GNB2: variants seen among roughly 807,000 people sequenced by gnomAD.
The protein encoded by GNB2 is guanine nucleotide-binding protein G(I)/G(S)/G(T) subunit beta-2.
GNB2 carries 7 observed loss-of-function variants against 40.7 expected under a neutral mutation model. That is an observed-to-expected ratio of 0.17 (90% CI 0.10 to 0.32). The LOEUF (loss-of-function observed/expected upper bound fraction) is 0.32. Among genes scored for constraint, GNB2 ranks in the 10% least tolerant of loss-of-function variants. The pLI, the probability that GNB2 is intolerant of heterozygous loss-of-function variation, is 1.00. For synonymous variants in GNB2, 254 were observed against 191.2 expected, an observed-to-expected ratio of 1.33 and a Z score of -2.71; for missense variants, 286 against 473.0, an observed-to-expected ratio of 0.60 and a Z score of 3.67.
intron 7 of GNB2, 113 bp from the exon 8 acceptor site, chr7:100,677,985 G>C (rs1159397836): frequency 2.4e-5 from 25 of 1,062,690 alleles, no homozygotes; most frequent in African/African-American, 3.1e-5. Context: ...GCTCTGAGAA[G>C]AGCCTCCCTG....
chr7:100,674,776 C>G (rs1189513940), intron 1 of GNB2, among the ~76,000 whole-genome samples: 1 of 152,226 alleles, frequency 6.6e-6, no homozygotes, highest in Admixed American at 6.5e-5. Context: ...AACGTCGCCC[C>G]CGCCCCCAGT....
chr7:100,677,698 TGGG>T (rs758633651), intron 6 of GNB2, 38 bp downstream of exon 6: 1 of 1,612,848 alleles, frequency 6.2e-7, no homozygotes, highest in East Asian at 2.2e-5. Context: ...TTTTTGGGGT[TGGG>T]GGGTGCACTG....
chr7:100,673,960 A>T (rs1804297450), intron 1 of GNB2, 37 bp downstream of exon 1: 1 of 158,552 alleles, frequency 6.3e-6, no homozygotes, highest in Non-Finnish European at 1.4e-5. Context: ...CTCGCCCCCC[A>T]GCCCCAATTT....
At position 100,675,946 on chromosome 7, in the gene GNB2, C is replaced by T. The variant is rs529364226; in HGVS notation, c.-89-231C>T. 6.3e-3 allele frequency: 2,260 copies of T among 360,170 alleles called. 13 individuals carry two copies. The highest frequency in any genetic ancestry group is 0.014 in the Admixed American group (288 of 21,016). The allele number at this position is 360,170 out of a possible 1,614,324, so 22.3% of individuals were successfully genotyped here. ...GTCCGAGGGAGGGGTTTCCCCTGCG[C>T]TTCCTCTTGCACTTCCCGCTCCGTT... On this transcript the variant is annotated intron_variant, in intron 1 of 9. Transcript: ENST00000303210.
In GNB2 at chr7:100,676,679, G is replaced by T. The variant is rs776485571; in HGVS notation, c.97-14G>T. ...GCCTGGGCCTCCCCGAGCGCATTCT[G>T]TCTCTACCTCCAGATCACAGCTGGG... On this transcript the variant is annotated splice_polypyrimidine_tract_variant and intron_variant, in intron 3 of 9. Transcript: ENST00000303210. The T allele has an allele frequency of 4.0e-5, 64 of 1,598,284 alleles. No homozygotes were observed. The East Asian group carries it at 1.3e-3, about 32-fold the overall frequency.
chr7:100,677,939 G>T, intron 7 of GNB2, 121 bp downstream of exon 7: 1 of 1,045,338 alleles, frequency 9.6e-7, no homozygotes, highest in Non-Finnish European at 1.4e-6. Flanking sequence ...GGGCGCTAAG[G>T]GGGTCAGGGA....
intron 1 of GNB2, 46 bp downstream of exon 1, chr7:100,673,969 T>G: frequency 6.3e-6 from 1 of 158,034 alleles, no homozygotes; most frequent in Non-Finnish European, 1.4e-5. Flanking sequence ...CAGCCCCAAT[T>G]TCCCCCAGGG....
Position 100,677,681 on chromosome 7 carries a change from C to G in GNB2, c.430+21C>G, listed in dbSNP as rs75555120. 1.3e-4 allele frequency: 203 copies of G among 1,612,934 alleles called. 1 individual carries two copies. The highest frequency in any genetic ancestry group is 1.3e-5 in the African/African-American group (1 of 74,936). ...CACTGGTGAGGGGCCTGGCCCAGTT[C>G]GGGCCCTTTTTGGGGTTGGGGGGTG... is the stretch of plus-strand genomic sequence containing the variant. On this transcript the variant is annotated intron_variant, in intron 6 of 9. Transcript: ENST00000303210.
intron 7 of GNB2, 90 bp downstream of exon 7, chr7:100,677,908 C>CCG: frequency 1.7e-6 from 2 of 1,188,726 alleles, no homozygotes; most frequent in Admixed American, 3.7e-5. Context: ...GCAGCATGCA[C>CCG]CGTAGCCTCC....
chr7:100,677,212 G>A (rs1364899779), intron 4 of GNB2, 140 bp from the exon 5 acceptor site: 11 of 667,006 alleles, frequency 1.6e-5, no homozygotes, highest in South Asian at 1.0e-4. Context: ...AGGAGTTCCA[G>A]GCTGCAGTGA....
chr7:100,678,550 G>T lies in GNB2; in HGVS notation c.852G>T (p.Leu284=), dbSNP rs755961772. 73 of 1,613,812 alleles carry T rather than the reference G, an allele frequency of 4.5e-5. No homozygotes were observed. In the East Asian group the frequency reaches 1.6e-3, roughly 35 times the overall value. Residue 284 remains leucine (L), a synonymous_variant, in exon 9 of 10, where the codon CTG becomes CTT. Transcript: ENST00000303210. ...TTGCCTTCTCGCGCAGCGGACGGCTGCTGCTCGCTGGCTACGACGACTTCA... is the reference window on the plus strand; with the variant it reads ...TTGCCTTCTCGCGCAGCGGACGGCTTCTGCTCGCTGGCTACGACGACTTCA... ...TSVAFSRSGR[L]LLAGYDDFNC...
Position 100,678,232 on chromosome 7 carries a change from G to T in GNB2, c.632G>T (p.Trp211Leu). The T allele has an allele frequency of 6.2e-7, 1 of 1,614,024 alleles. No individual in the cohort carries two copies. The highest frequency in any genetic ancestry group is 8.5e-7 in the Non-Finnish European group (1 of 1,179,952). ...GCCTGTGATGCCTCTATCAAGCTGT[G>T]GGACGTGCGGGATTCCATGTGCCGA... Reference protein sequence around the residue: ...SGACDASIKLWDVRDSMCRQT... With the variant: ...SGACDASIKLLDVRDSMCRQT... Residue 211 changes from tryptophan to leucine, a missense_variant, in exon 8 of 10, where the codon TGG becomes TTG. Physicochemically the swap from Trp to Leu is moderately conservative, Grantham distance 61 (BLOSUM62 -2). Coordinates refer to ENST00000303210, the MANE Select transcript of GNB2 (RefSeq NM_005273.4).
At chr7:100,674,520 C>T (rs1384548989) in intron 1 of GNB2, among the ~76,000 whole-genome samples, 1 of 151,768 alleles carries the variant, frequency 6.6e-6, no homozygotes, top group Non-Finnish European at 1.5e-5. Context: ...GCCCCCCGCC[C>T]AGCTTTCTTT....
chr7:100,678,986 AT>A lies in GNB2; in HGVS notation c.*186del. 1.7e-6 allele frequency: 1 copy of A among 584,588 alleles called. No homozygotes were observed. The highest frequency in any genetic ancestry group is 3.1e-6 in the Non-Finnish European group (1 of 325,738). The allele number at this position is 584,588 out of a possible 1,614,324, so 36.2% of individuals were successfully genotyped here. On this transcript the variant is annotated 3_prime_UTR_variant, in exon 10 of 10. Coordinates refer to ENST00000303210, the MANE Select transcript of GNB2 (RefSeq NM_005273.4). ...ACTGTGGAGATAAGAAGGGGATGGA[AT>A]GGGGGAAGAGGAGGAGCAGGAGGCC...
chr7:100,677,354 T>A lies in GNB2; in HGVS notation c.206T>A (p.Leu69Gln), dbSNP rs953098868. The A allele has an allele frequency of 3.1e-6, 5 of 1,613,480 alleles. No individual in the cohort carries two copies. The highest frequency in any genetic ancestry group is 4.2e-6 in the Non-Finnish European group (5 of 1,179,458). ...YAMHWGTDSR[L>Q]LVSASQDGKL... ...CTCCCTACACCGTTCCCCACCAGGC[T>A]GCTGGTCAGCGCCTCCCAGGATGGG... The change falls in exon 5 of 10, where the codon CTG becomes CAG. Residue 69 changes from leucine (L) to glutamine (Q), a missense_variant and splice_region_variant. Physicochemically the swap from Leu to Gln is moderately radical, Grantham distance 113. Transcript: ENST00000303210.
chr7:100,676,616 G>A (rs916990705), intron 3 of GNB2, 43 bp downstream of exon 3: 5 of 1,580,842 alleles, frequency 3.2e-6, no homozygotes, highest in Non-Finnish European at 2.6e-6. Context: ...GGGTTGAAGG[G>A]GCAAGGATCA....
At chr7:100,675,075 C>T (rs894409328) in intron 1 of GNB2, among the ~76,000 whole-genome samples, 4 of 151,782 alleles carry the variant, frequency 2.6e-5, no homozygotes, top group Non-Finnish European at 5.9e-5. Flanking sequence ...TGTGTACGGC[C>T]GGATCGCACA....
chr7:100,678,487 G>T lies in GNB2; in HGVS notation c.789G>T (p.Met263Ile). The T allele has an allele frequency of 6.2e-7, 1 of 1,613,838 alleles. No homozygotes were observed. Among genetic ancestry groups the T allele is most frequent in the Middle Eastern group, 1.6e-4 (1 of 6,062 alleles). Residue 263 changes from methionine to isoleucine, a missense_variant, in exon 9 of 10, where the codon ATG (methionine) becomes ATT (isoleucine). Transcript: ENST00000303210. ...FDLRADQELLMYSHDNIICGI... is the reference protein window; with the variant it reads ...FDLRADQELLIYSHDNIICGI... ...TGCGGGCCGATCAGGAGCTCCTCAT[G>T]TACTCCCATGACAACATCATCTGTG...
At chr7:100,677,142 T>C in intron 4 of GNB2, 1 of 600,662 alleles carries the variant, frequency 1.7e-6, no homozygotes, top group African/African-American at 1.9e-5. Context: ...GGTGTGGTGG[T>C]GCTCACCTTG....
Sources: allele counts gnomAD v4.1 joint callset (sites outside exome capture counted in the v4.1 genomes callset), GRCh38; gene constraint gnomAD v4.1.1; transcripts MANE v1.5; gene names NCBI Gene and HGNC (gene_info 2026-07-23, HGNC 2026-07-21).